Variants in DCDC1 observed in about 807,000 individuals in gnomAD.
The protein encoded by DCDC1 is doublecortin domain containing 1.
In DCDC1, 200 loss-of-function variants were observed where a neutral mutation model predicts 178.3. The ratio of observed to expected loss-of-function variants is 1.12; its 90% confidence interval spans 1.00 to 1.26. DCDC1 has a LOEUF of 1.26. Among genes scored for constraint, DCDC1 ranks in the 50% most tolerant of loss-of-function variants. The probability of loss-of-function intolerance (pLI) is 0.00; values close to 1 mark genes in which losing one functional copy is unlikely to be tolerated. For synonymous variants in DCDC1, 690 were observed against 604.8 expected, an observed-to-expected ratio of 1.14 and a Z score of -2.07; for missense variants, 1,983 against 1,749.2, an observed-to-expected ratio of 1.13 and a Z score of -2.38.
rs143283709 is a variant in DCDC1 at position 30,890,318 on chromosome 11, G to A, written c.5082+2500C>T. On this transcript the variant is annotated intron_variant, in intron 36 of 38. Transcript: ENST00000684477. ...ATCTCTTCCAATTTCTCTGTCCATG[G>A]GGCACCTATTTAATACGCTTTATGA... 6.6e-5 allele frequency among the ~76,000 whole-genome samples: 10 copies of A among 152,190 alleles called. No individual in the cohort carries two copies. In the South Asian group the frequency reaches 1.5e-3, roughly 22 times the overall value.
At chr11:31,302,765 G>A (rs558969827) in intron 6 of DCDC1, among the ~76,000 whole-genome samples, 74 of 152,162 alleles carry the variant, frequency 4.9e-4, no homozygotes, top group South Asian at 3.3e-3. Flanking sequence ...CTCAAAAGGC[G>A]TAGTAAAATA....
chr11:31,054,166 C>T (rs925034167), intron 20 of DCDC1, among the ~76,000 whole-genome samples: 5 of 150,980 alleles, frequency 3.3e-5, no homozygotes, highest in Admixed American at 1.3e-4. Context: ...AGTAGCTCTT[C>T]TACACACCAA....
chr11:30,928,895 A>C (rs1322370963), intron 22 of DCDC1, among the ~76,000 whole-genome samples: 1 of 151,764 alleles, frequency 6.6e-6, no homozygotes, highest in East Asian at 1.9e-4. Flanking sequence ...TTTTATTCAT[A>C]TATTGTCTTA....
chr11:30,940,155 A>G (rs1490760160), intron 21 of DCDC1, among the ~76,000 whole-genome samples: 1 of 152,122 alleles, frequency 6.6e-6, no homozygotes, highest in Admixed American at 6.6e-5. Context: ...TATGTTAATC[A>G]TTTGTCTTGA....
intron 3 of DCDC1, 22 bp downstream of exon 3, chr11:31,328,095 G>A (rs945497807): frequency 3.0e-5 from 47 of 1,577,974 alleles, no homozygotes; most frequent in Non-Finnish European, 3.9e-5. Context: ...TTTAGTTTAA[G>A]CTGCTGAAAT....
intron 1 of DCDC1, among the ~76,000 whole-genome samples, chr11:31,345,600 T>A (rs1950773728): frequency 6.6e-6 from 1 of 151,092 alleles, no homozygotes; most frequent in Non-Finnish European, 1.5e-5. Flanking sequence ...AAAAAAAAAA[T>A]AAAAGATGAA....
intron 20 of DCDC1, among the ~76,000 whole-genome samples, chr11:31,005,527 C>T (rs576921419): frequency 1.8e-3 from 267 of 152,278 alleles, no homozygotes; most frequent in Non-Finnish European, 3.2e-3. Flanking sequence ...ATTCAACCTA[C>T]TTCAACAAAA....
chr11:31,039,161 G>A (rs982565252), intron 20 of DCDC1, among the ~76,000 whole-genome samples: 1 of 152,008 alleles, frequency 6.6e-6, no homozygotes, highest in African/African-American at 2.4e-5. Context: ...TCTATGACAG[G>A]TAATGTATGC....
chr11:30,965,604 A>AT (rs34030732), intron 20 of DCDC1, among the ~76,000 whole-genome samples: 75,783 of 148,144 alleles, frequency 0.51, 19,926 homozygotes, highest in Middle Eastern at 0.61. Context: ...TGTTTTTTTA[A>AT]TTTTTTTTTA....
At chr11:30,913,436 T>C (rs1015152859) in intron 27 of DCDC1, among the ~76,000 whole-genome samples, 1 of 151,994 alleles carries the variant, frequency 6.6e-6, no homozygotes, top group Admixed American at 6.6e-5. Flanking sequence ...AACTATTTTG[T>C]TCAAGTCTGT....
intron 32 of DCDC1, 93 bp from the exon 33 acceptor site, chr11:30,900,591 T>C: frequency 8.3e-7 from 1 of 1,211,804 alleles, no homozygotes; most frequent in Non-Finnish European, 1.1e-6. Context: ...TTATTATTCA[T>C]TAATAACTTA....
chr11:31,049,662 A>T (rs1291288029), intron 20 of DCDC1, among the ~76,000 whole-genome samples: 1 of 152,140 alleles, frequency 6.6e-6, no homozygotes, highest in East Asian at 1.9e-4. Context: ...GGCCCAAGAG[A>T]CACCCCAAAT....
At position 30,881,235 on chromosome 11, in the gene DCDC1, G is replaced by A. The variant is rs550599033; in HGVS notation, c.5156C>T (p.Pro1719Leu). 15 of 1,613,532 alleles carry A rather than the reference G, an allele frequency of 9.3e-6. No homozygotes were observed. Among genetic ancestry groups the A allele is most frequent in the South Asian group, 8.8e-5 (8 of 91,072 alleles). The change falls in exon 37 of 39, where the codon CCA becomes CTA. Residue 1719 changes from proline to leucine, a missense_variant. By Grantham distance (98) the Pro-to-Leu change is moderately conservative (BLOSUM62 -3). Transcript: ENST00000684477. Reference protein sequence around the residue: ...ARALYTPSGEPIQSWDDIERD... With the variant: ...ARALYTPSGELIQSWDDIERD... Reference sequence around the variant, plus strand: ...CTCTATGTCGTCCCAGGACTGAATTGGCTCTCCACTGGGGGTGTACAGTGC... The same window carrying A: ...CTCTATGTCGTCCCAGGACTGAATTAGCTCTCCACTGGGGGTGTACAGTGC...
At chr11:31,037,310 G>T (rs1237346102) in intron 20 of DCDC1, among the ~76,000 whole-genome samples, 3 of 152,046 alleles carry the variant, frequency 2.0e-5, no homozygotes, top group African/African-American at 7.2e-5. Context: ...CCATCACTAT[G>T]ATGTCCCAGA....
chr11:31,072,838 C>CA (rs1167967870), intron 18 of DCDC1, among the ~76,000 whole-genome samples: 15 of 152,154 alleles, frequency 9.9e-5, no homozygotes, highest in African/African-American at 3.4e-4. Context: ...GTGCCAAATA[C>CA]TTAAAATTCT....
chr11:31,063,532 A>T (rs920471326), intron 20 of DCDC1, among the ~76,000 whole-genome samples: 2 of 152,088 alleles, frequency 1.3e-5, no homozygotes, highest in African/African-American at 4.8e-5. Flanking sequence ...AATTGAAATA[A>T]GTTTTTTGTC....
At chr11:30,986,039 T>C (rs1950623429) in intron 20 of DCDC1, among the ~76,000 whole-genome samples, 1 of 152,178 alleles carries the variant, frequency 6.6e-6, no homozygotes, top group Admixed American at 6.5e-5. Flanking sequence ...AGGTATGTTT[T>C]TCTGTAGTGT....
intron 20 of DCDC1, among the ~76,000 whole-genome samples, chr11:31,000,813 C>T (rs1029525730): frequency 1.3e-5 from 2 of 151,356 alleles, no homozygotes; most frequent in East Asian, 3.9e-4. Context: ...TACTTTTTTG[C>T]TACTTATTTA....
intron 1 of DCDC1, among the ~76,000 whole-genome samples, chr11:31,361,165 C>A (rs796390090): frequency 2.6e-5 from 4 of 152,196 alleles, no homozygotes; most frequent in East Asian, 3.9e-4. Flanking sequence ...CAAACACATA[C>A]AATTGAATAT....
Sources: allele counts gnomAD v4.1 joint callset (sites outside exome capture counted in the v4.1 genomes callset), GRCh38; gene constraint gnomAD v4.1.1; transcripts MANE v1.5; gene names NCBI Gene and HGNC (gene_info 2026-07-23, HGNC 2026-07-21).